MTCL3: variants seen among roughly 807,000 people sequenced by gnomAD.
MTCL3 encodes MTCL family member 3.
chr6:127,484,035 G>T, the MTCL3 span, among the ~76,000 whole-genome samples: 2 of 152,252 alleles, frequency 1.3e-5, no homozygotes, highest in East Asian at 3.9e-4. Context: ...CCACATGGCA[G>T]GTGGTGAAAA....
chr6:127,518,044 G>C, the MTCL3 span, among the ~76,000 whole-genome samples: 4 of 152,168 alleles, frequency 2.6e-5, no homozygotes, highest in African/African-American at 9.7e-5. Context: ...TTACCGAAGG[G>C]TTCCTAATCC....
the MTCL3 span, among the ~76,000 whole-genome samples, chr6:127,492,848 A>G: frequency 6.6e-6 from 1 of 152,138 alleles, no homozygotes; most frequent in African/African-American, 2.4e-5. Context: ...AATGAAACTG[A>G]GCTTAAATAA....
At chr6:127,473,618 A>G in the MTCL3 span, among the ~76,000 whole-genome samples, 14 of 152,226 alleles carry the variant, frequency 9.2e-5, no homozygotes, top group Non-Finnish European at 1.9e-4. Context: ...TCAAAATTCA[A>G]CAAGTTTTAT....
At chr6:127,515,714 C>T in the MTCL3 span, 2 of 1,583,940 alleles carry the variant, frequency 1.3e-6, no homozygotes, top group South Asian at 1.1e-5. This position sits in a 1 kb window ranked among gnomAD's most constrained non-coding sequence, Gnocchi z 4.3. Context: ...GCCAGGGTCT[C>T]GCAAACGGCA....
the MTCL3 span, chr6:127,473,289 C>CA: frequency 2.0e-6 from 3 of 1,530,902 alleles, no homozygotes; most frequent in African/African-American, 1.4e-5. Flanking sequence ...ATTTACAGTA[C>CA]AAAAAACAGT....
chr6:127,488,517 T>C, the MTCL3 span, among the ~76,000 whole-genome samples: 1 of 152,172 alleles, frequency 6.6e-6, no homozygotes, highest in South Asian at 2.1e-4. Context: ...TCTATGTCAG[T>C]TCAATGAGGA....
the MTCL3 span, among the ~76,000 whole-genome samples, chr6:127,491,920 T>C: frequency 2.3e-4 from 34 of 150,378 alleles, 1 homozygote; most frequent in African/African-American, 8.1e-4. Context: ...TCTACTTCCG[T>C]ACCTCTTCTA....
the MTCL3 span, among the ~76,000 whole-genome samples, chr6:127,483,906 C>A: frequency 6.6e-6 from 1 of 152,106 alleles, no homozygotes; most frequent in Non-Finnish European, 1.5e-5. Context: ...TGAAACTTAG[C>A]AGGGGAGGAG....
At chr6:127,476,490 A>G in the MTCL3 span, 4 of 1,531,772 alleles carry the variant, frequency 2.6e-6, no homozygotes, top group Non-Finnish European at 3.5e-6. The surrounding 1 kb of genome is among the most constrained non-coding windows in gnomAD (Gnocchi z 4.4). Flanking sequence ...GAAAAGAGGG[A>G]AAAGGATAGG....
the MTCL3 span, among the ~76,000 whole-genome samples, chr6:127,499,031 T>G: frequency 6.6e-6 from 1 of 152,156 alleles, no homozygotes; most frequent in South Asian, 2.1e-4. Flanking sequence ...TAAAAACCAT[T>G]AAATTGTACA....
the MTCL3 span, chr6:127,476,033 C>T: frequency 1.2e-6 from 2 of 1,611,826 alleles, no homozygotes; most frequent in Non-Finnish European, 1.7e-6. The surrounding 1 kb of genome is among the most constrained non-coding windows in gnomAD (Gnocchi z 4.4). Flanking sequence ...TCCTCCAGGT[C>T]GGCCACGTTC....
the MTCL3 span, chr6:127,473,136 GTA>G: frequency 1.6e-5 from 20 of 1,213,672 alleles, no homozygotes; most frequent in East Asian, 7.2e-4. Flanking sequence ...AAGATGAGTT[GTA>G]TCTTTTTAAA....
the MTCL3 span, chr6:127,473,174 A>C: frequency 7.8e-7 from 1 of 1,278,482 alleles, no homozygotes; most frequent in Non-Finnish European, 9.9e-7. Flanking sequence ...CAGTGTTTTT[A>C]TAGCATTGGT....
At chr6:127,497,891 A>T in the MTCL3 span, among the ~76,000 whole-genome samples, 3 of 152,230 alleles carry the variant, frequency 2.0e-5, no homozygotes, top group Admixed American at 6.5e-5. Context: ...TTCGAGATCC[A>T]CATGCAAAAA....
the MTCL3 span, among the ~76,000 whole-genome samples, chr6:127,478,054 G>T: frequency 6.6e-6 from 1 of 152,160 alleles, no homozygotes; most frequent in Admixed American, 6.5e-5. Context: ...AGAAGAGAAG[G>T]ACTACCAGAA....
the MTCL3 span, among the ~76,000 whole-genome samples, chr6:127,498,330 G>T: frequency 6.6e-6 from 1 of 152,116 alleles, no homozygotes; most frequent in African/African-American, 2.4e-5. Context: ...ACAATAAGCA[G>T]ATGAAAAGAT....
At chr6:127,496,449 T>C in the MTCL3 span, among the ~76,000 whole-genome samples, 3 of 152,206 alleles carry the variant, frequency 2.0e-5, no homozygotes, top group African/African-American at 7.2e-5. Context: ...AGCTATCGAA[T>C]GTATGGCCTT....
chr6:127,496,816 G>A, the MTCL3 span, among the ~76,000 whole-genome samples: 1 of 151,754 alleles, frequency 6.6e-6, no homozygotes, highest in East Asian at 1.9e-4. Flanking sequence ...TGCCCAATGG[G>A]GTATTATTTG....
the MTCL3 span, among the ~76,000 whole-genome samples, chr6:127,503,507 G>T: frequency 6.6e-6 from 1 of 152,164 alleles, no homozygotes; most frequent in Admixed American, 6.5e-5. Flanking sequence ...GACAGGATCT[G>T]CAGTCTTCTC....
Sources: allele counts gnomAD v4.1 joint callset (sites outside exome capture counted in the v4.1 genomes callset), GRCh38; gene constraint gnomAD v4.1.1; non-coding constraint Gnocchi (gnomAD v3.1); transcripts MANE v1.5; gene names NCBI Gene and HGNC (gene_info 2026-07-23, HGNC 2026-07-21).